Variants in INTS13 observed in about 807,000 individuals in gnomAD.
INTS13 encodes the protein integrator complex subunit 13.
In INTS13, 35 loss-of-function variants were observed where a neutral mutation model predicts 90.2. The observed-to-expected ratio is 0.39, with a 90% CI of 0.30 to 0.51. The LOEUF (loss-of-function observed/expected upper bound fraction) is 0.51. INTS13 is among the 20% of genes least tolerant of loss of function. INTS13 has a pLI of 0.80. For missense variants in INTS13, 601 were observed against 851.2 expected, an observed-to-expected ratio of 0.71 and a Z score of 3.66; for synonymous variants, 309 against 277.1, an observed-to-expected ratio of 1.11 and a Z score of -1.14.
intron 8 of INTS13, 106 bp from the exon 9 acceptor site, chr12:26,917,839 A>AAAAAC: frequency 2.0e-6 from 1 of 497,878 alleles, no homozygotes; most frequent in Non-Finnish European, 3.7e-6. Flanking sequence ...AAATAATAAA[A>AAAAAC]GCGGCCGGGT....
Position 26,913,491 on chromosome 12 carries a change from A to C in INTS13, c.1771T>G (p.Tyr591Asp). The change falls in exon 14 of 17, where the codon TAT becomes GAT. Residue 591 changes from tyrosine (Y) to aspartate (D), a missense_variant. Tyr to Asp is a radical substitution (Grantham distance 160). Transcript: ENST00000261191. ...EDKSEKAVKD[Y>D]EQEKSWQDSE... ...TCTTGCCAAGACTTTTCCTGTTCATAATCTTTCACTGCTTTCTCTGACTTG... is the reference window on the plus strand; with the variant it reads ...TCTTGCCAAGACTTTTCCTGTTCATCATCTTTCACTGCTTTCTCTGACTTG... 1.9e-6 allele frequency: 3 copies of C among 1,614,126 alleles called. No homozygotes were observed. The highest frequency in any genetic ancestry group is 2.2e-5 in the East Asian group (1 of 44,878).
Position 26,925,962 on chromosome 12 carries a change from G to A in INTS13, c.585-111C>T, listed in dbSNP as rs1937851677. 5.6e-6 allele frequency: 4 copies of A among 713,740 alleles called. No individual in the cohort carries two copies. In the Admixed American group the frequency reaches 7.9e-5, roughly 14 times the overall value. The allele number at this position is 713,740 out of a possible 1,614,324, so 44.2% of individuals were successfully genotyped here. The stretch of plus-strand genomic sequence containing the variant: ...TTAAAACATCATATTGCTACAATTA[G>A]ATATTACTGTTAACCCAAAAGCTAA... On this transcript the variant is annotated intron_variant, in intron 5 of 16. Transcript: ENST00000261191.
At chr12:26,910,840 T>A (rs1022361832) in intron 15 of INTS13, among the ~76,000 whole-genome samples, 14 of 147,272 alleles carry the variant, frequency 9.5e-5, no homozygotes, top group African/African-American at 3.0e-4. Context: ...CATTGGAAAA[T>A]TTTTTTTTTT....
chr12:26,913,810 T>A, intron 13 of INTS13, 123 bp from the exon 14 acceptor site: 1 of 1,139,660 alleles, frequency 8.8e-7, no homozygotes, highest in Non-Finnish European at 1.2e-6. Context: ...ATAGTGAAAT[T>A]CTAGGCTACA....
At chr12:26,934,482 T>G in intron 3 of INTS13, 74 bp downstream of exon 3, 1 of 1,081,844 alleles carries the variant, frequency 9.2e-7, no homozygotes, top group Non-Finnish European at 1.4e-6. Flanking sequence ...ATTTAAAAAA[T>G]TAGTCATTTT....
chr12:26,911,110 C>T, intron 15 of INTS13, 68 bp downstream of exon 15: 2 of 1,524,766 alleles, frequency 1.3e-6, no homozygotes, highest in Non-Finnish European at 1.8e-6. Context: ...GCTGGGATTA[C>T]AGGGGTAAGC....
intron 5 of INTS13, 47 bp downstream of exon 5, chr12:26,928,158 T>C (rs781593796): frequency 6.0e-6 from 8 of 1,339,414 alleles, no homozygotes; most frequent in Admixed American, 1.7e-5. Flanking sequence ...TTATAACATA[T>C]ATCTATCCAC....
intron 3 of INTS13, among the ~76,000 whole-genome samples, chr12:26,930,811 T>C (rs933356391): frequency 1.1e-4 from 16 of 152,216 alleles, no homozygotes; most frequent in African/African-American, 3.9e-4. Flanking sequence ...CTAGAAAGCC[T>C]TCACACTTCT....
At chr12:26,926,611 C>G (rs758274340) in intron 5 of INTS13, among the ~76,000 whole-genome samples, 5 of 152,208 alleles carry the variant, frequency 3.3e-5, no homozygotes, top group Non-Finnish European at 5.9e-5. Context: ...AGCTGTGACA[C>G]AATCACAAAT....
In INTS13 at chr12:26,925,744, A is replaced by G. The variant is rs1937832075; in HGVS notation, c.675+17T>C. On this transcript the variant is annotated intron_variant, in intron 6 of 16. Coordinates refer to ENST00000261191, the MANE Select transcript of INTS13 (RefSeq NM_018164.3). Reference sequence around the variant, plus strand: ...ATTAACCACAATAGTCTTTTCTTTCATTATTTCAACACTCACCTCTTTTTT... The same window carrying G: ...ATTAACCACAATAGTCTTTTCTTTCGTTATTTCAACACTCACCTCTTTTTT... 1.0e-5 allele frequency: 16 copies of G among 1,574,638 alleles called. No individual in the cohort carries two copies. Among genetic ancestry groups the G allele is most frequent in the Non-Finnish European group, 1.4e-5 (16 of 1,147,470 alleles).
chr12:26,914,646 A>C (rs898343439), intron 11 of INTS13, 68 bp from the exon 12 acceptor site: 1 of 1,306,576 alleles, frequency 7.7e-7, no homozygotes. Flanking sequence ...TACATGTACT[A>C]GTCTGTTTCC....
At chr12:26,923,549 A>T (rs933268870) in intron 7 of INTS13, among the ~76,000 whole-genome samples, 1 of 152,220 alleles carries the variant, frequency 6.6e-6, no homozygotes. Context: ...AATCAATACA[A>T]TTAAATTCCA....
intron 15 of INTS13, among the ~76,000 whole-genome samples, chr12:26,910,364 A>T (rs1951735531): frequency 1.3e-5 from 2 of 152,234 alleles, no homozygotes; most frequent in Admixed American, 1.3e-4. Context: ...TCATTAATGA[A>T]AGTATAACAC....
At chr12:26,914,311 T>C in intron 12 of INTS13, 97 bp downstream of exon 12, 1 of 1,317,006 alleles carries the variant, frequency 7.6e-7, no homozygotes, top group Non-Finnish European at 1.0e-6. Flanking sequence ...TTTCATTCTT[T>C]GCTTAAGAAA....
chr12:26,927,116 G>A (rs917675259), intron 5 of INTS13, among the ~76,000 whole-genome samples: 3 of 152,236 alleles, frequency 2.0e-5, no homozygotes, highest in Non-Finnish European at 2.9e-5. Flanking sequence ...CACTTCATGT[G>A]TCTGTGCATC....
At chr12:26,923,893 A>G (rs74072643) in intron 7 of INTS13, among the ~76,000 whole-genome samples, 1,721 of 152,334 alleles carry the variant, frequency 0.011, 32 homozygotes, top group African/African-American at 0.039. Context: ...TCAAGAAAAG[A>G]ATCACAGAAT....
At chr12:26,924,789 T>G (rs1165147972) in intron 6 of INTS13, among the ~76,000 whole-genome samples, 1 of 152,194 alleles carries the variant, frequency 6.6e-6, no homozygotes, top group Non-Finnish European at 1.5e-5. Flanking sequence ...AATATATTTC[T>G]TTACAATTTT....
chr12:26,930,512 T>C (rs913686103), intron 3 of INTS13, among the ~76,000 whole-genome samples: 2 of 152,184 alleles, frequency 1.3e-5, no homozygotes, highest in African/African-American at 4.8e-5. Context: ...ACATTAAATA[T>C]AGACAAGATT....
Position 26,912,862 on chromosome 12 carries a change from A to C in INTS13, c.1805+595T>G, listed in dbSNP as rs534834082. 5.0e-4 allele frequency among the ~76,000 whole-genome samples: 76 copies of C among 151,908 alleles called. 1 individual carries two copies. The highest frequency in any genetic ancestry group is 1.7e-3 in the African/African-American group (72 of 41,414). On this transcript the variant is annotated intron_variant, in intron 14 of 16. Coordinates refer to ENST00000261191, the MANE Select transcript of INTS13 (RefSeq NM_018164.3). ...CGTGCCTCAGCCCCTTGAGTAGCTGAGATTACAGGCATGCACCCCCATACC... is the reference window on the plus strand; with the variant it reads ...CGTGCCTCAGCCCCTTGAGTAGCTGCGATTACAGGCATGCACCCCCATACC...
Sources: allele counts gnomAD v4.1 joint callset (sites outside exome capture counted in the v4.1 genomes callset), GRCh38; gene constraint gnomAD v4.1.1; transcripts MANE v1.5; gene names NCBI Gene and HGNC (gene_info 2026-07-23, HGNC 2026-07-21).